TNS3: variants seen among roughly 807,000 people sequenced by gnomAD.
TNS3 encodes tensin 3.
In TNS3, 45 loss-of-function variants were observed where a neutral mutation model predicts 140.9. That is an observed-to-expected ratio of 0.32 (90% CI 0.25 to 0.41). The LOEUF (loss-of-function observed/expected upper bound fraction) is 0.41. TNS3 is among the 10% of genes least tolerant of loss of function. TNS3 has a pLI of 1.00. For missense variants in TNS3, 1,716 were observed against 1,906.7 expected, an observed-to-expected ratio of 0.90 and a Z score of 1.86; for synonymous variants, 815 against 788.4, an observed-to-expected ratio of 1.03 and a Z score of -0.56.
intron 3 of TNS3, among the ~76,000 whole-genome samples, chr7:47,505,312 AAGGT>A (rs1798373707): frequency 6.6e-6 from 1 of 152,236 alleles, no homozygotes; most frequent in African/African-American, 2.4e-5. Flanking sequence ...CACACCACTG[AAGGT>A]GCACAGCACC....
At chr7:47,392,141 C>T (rs1792556024) in intron 16 of TNS3, among the ~76,000 whole-genome samples, 1 of 152,170 alleles carries the variant, frequency 6.6e-6, no homozygotes, top group African/African-American at 2.4e-5. Context: ...CTTCCCTCTC[C>T]TCAGGGACAG....
intron 4 of TNS3, among the ~76,000 whole-genome samples, chr7:47,466,944 A>G (rs758818975): frequency 1.3e-5 from 2 of 152,202 alleles, no homozygotes; most frequent in African/African-American, 2.4e-5. Flanking sequence ...AATCAGAATG[A>G]GTTGGTTCCC....
intron 16 of TNS3, among the ~76,000 whole-genome samples, chr7:47,379,862 C>A (rs1375699919): frequency 6.6e-6 from 1 of 152,226 alleles, no homozygotes; most frequent in African/African-American, 2.4e-5. Flanking sequence ...ATCCCTCCCT[C>A]TGAAGTAAAG....
At chr7:47,442,145 C>T (rs951173244) in intron 4 of TNS3, 90 bp from the exon 5 acceptor site, 20 of 816,628 alleles carry the variant, frequency 2.4e-5, no homozygotes, top group Non-Finnish European at 3.0e-5. Context: ...CAATGACAGC[C>T]GTTCCACAGT....
chr7:47,502,241 C>T (rs1200258602), intron 3 of TNS3, among the ~76,000 whole-genome samples: 1 of 152,128 alleles, frequency 6.6e-6, no homozygotes, highest in Non-Finnish European at 1.5e-5. Flanking sequence ...AGAGGTCAAT[C>T]CCTGGGACCC....
At chr7:47,447,191 G>A (rs1360015374) in intron 4 of TNS3, among the ~76,000 whole-genome samples, 3 of 152,234 alleles carry the variant, frequency 2.0e-5, no homozygotes, top group African/African-American at 7.2e-5. Flanking sequence ...GTGAGGAGAG[G>A]CATTCCTCAG....
chr7:47,391,453 G>T (rs1263399606), intron 16 of TNS3, among the ~76,000 whole-genome samples: 1 of 152,220 alleles, frequency 6.6e-6, no homozygotes, highest in Non-Finnish European at 1.5e-5. Context: ...AGAGTTGGAG[G>T]GAGGTATCTT....
rs182671751 is a variant in TNS3 at position 47,456,932 on chromosome 7, C to T, written c.-75-14877G>A. Among the ~76,000 whole-genome samples, 548 of 151,792 alleles carry T rather than the reference C, an allele frequency of 3.6e-3. 6 individuals carry two copies. The highest frequency in any genetic ancestry group is 0.013 in the African/African-American group (526 of 41,330). ...TATGAGTATTAGTGAATGACATTAA[C>T]GAGACTGTCTTCCAAGGACTCCCAT... On this transcript the variant is annotated intron_variant, in intron 4 of 30. Coordinates refer to ENST00000311160, the MANE Select transcript of TNS3 (RefSeq NM_022748.12).
chr7:47,575,121 C>A (rs1176932246), intron 1 of TNS3, among the ~76,000 whole-genome samples: 1 of 152,078 alleles, frequency 6.6e-6, no homozygotes, highest in Non-Finnish European at 1.5e-5. Flanking sequence ...TACGATCTGC[C>A]CAAAGACCTA....
intron 16 of TNS3, among the ~76,000 whole-genome samples, chr7:47,380,584 C>G (rs1791693018): frequency 6.6e-6 from 1 of 152,170 alleles, no homozygotes; most frequent in South Asian, 2.1e-4. Flanking sequence ...GCTGATTATT[C>G]CACTCCATAA....
At chr7:47,332,454 AAGCCCAGGCTCAGGCCCG>A (rs1236141235) in intron 20 of TNS3, among the ~76,000 whole-genome samples, 1 of 152,190 alleles carries the variant, frequency 6.6e-6, no homozygotes, top group Admixed American at 6.5e-5. Flanking sequence ...AGGAGGAGAC[AAGCCCAGGCTCAGGCCCG>A]AGCTGTGGAT....
At chr7:47,311,750 T>C (rs1487018396) in intron 20 of TNS3, among the ~76,000 whole-genome samples, 4 of 152,094 alleles carry the variant, frequency 2.6e-5, no homozygotes, top group South Asian at 2.1e-4. Flanking sequence ...AGAGGCAATA[T>C]TGGAAAATAT....
chr7:47,467,844 G>A (rs919297182), intron 4 of TNS3, among the ~76,000 whole-genome samples: 10 of 152,180 alleles, frequency 6.6e-5, no homozygotes, highest in Non-Finnish European at 1.2e-4. Context: ...GACCAAGCCA[G>A]CTCCCTCCCA....
intron 25 of TNS3, 130 bp from the exon 26 acceptor site, chr7:47,293,035 G>C (rs1258721039): frequency 1.4e-6 from 1 of 701,390 alleles, no homozygotes; most frequent in African/African-American, 1.8e-5. Context: ...TGGTATGTTA[G>C]ATTAGTGTGC....
At chr7:47,400,940 A>G in intron 13 of TNS3, 26 bp from the exon 14 acceptor site, 1 of 1,613,164 alleles carries the variant, frequency 6.2e-7, no homozygotes, top group South Asian at 1.1e-5. Context: ...AAAACAAAAC[A>G]AAGTAGCTGC....
At chr7:47,483,117 T>C (rs568415947) in intron 3 of TNS3, among the ~76,000 whole-genome samples, 1 of 151,936 alleles carries the variant, frequency 6.6e-6, no homozygotes, top group Admixed American at 6.5e-5. Flanking sequence ...GTGTAACAAA[T>C]GTACCACAGG....
In TNS3 at chr7:47,436,727, G is replaced by A. The variant is rs531109603; in HGVS notation, c.201+536C>T. ...GGAAATGTTTTGTCTCTTGTTTGTG[G>A]TGGCTTAACAAATCTATACACATGA... is the stretch of plus-strand genomic sequence containing the variant. On this transcript the variant is annotated intron_variant, in intron 7 of 30. Transcript: ENST00000311160. 9.3e-4 allele frequency among the ~76,000 whole-genome samples: 142 copies of A among 152,238 alleles called. 1 individual carries two copies. The highest frequency in any genetic ancestry group is 3.3e-3 in the African/African-American group (137 of 41,540).
At chr7:47,443,341 G>T (rs1795563749) in intron 4 of TNS3, among the ~76,000 whole-genome samples, 1 of 152,132 alleles carries the variant, frequency 6.6e-6, no homozygotes, top group South Asian at 2.1e-4. Context: ...GTCAAGTGAA[G>T]TCCCGTGGTC....
Position 47,369,503 on chromosome 7 carries a change from G to T in TNS3, c.1143C>A (p.Asp381Glu), listed in dbSNP as rs1483376500. The change falls in exon 17 of 31, where the codon GAC becomes GAA. Residue 381 changes from aspartate to glutamate, a missense_variant. Coordinates refer to ENST00000311160, the MANE Select transcript of TNS3 (RefSeq NM_022748.12). ...PQAIPATNSP[D>E]HSDHTLSVSS... is the part of the protein sequence containing the mutation. ...TGACAGACAAGGTGTGGTCACTGTG[G>T]TCTGGGCTGTTGGTGGCCGGGATTG... The T allele has an allele frequency of 1.9e-6, 3 of 1,614,166 alleles. No individual in the cohort carries two copies. Among genetic ancestry groups the T allele is most frequent in the Non-Finnish European group, 2.5e-6 (3 of 1,180,024 alleles).
Sources: allele counts gnomAD v4.1 joint callset (sites outside exome capture counted in the v4.1 genomes callset), GRCh38; gene constraint gnomAD v4.1.1; transcripts MANE v1.5; gene names NCBI Gene and HGNC (gene_info 2026-07-23, HGNC 2026-07-21).